Variants in LSM6 observed in about 807,000 individuals in gnomAD.
LSM6 encodes the protein LSM6 homolog, U6 small nuclear RNA and mRNA degradation associated.
LSM6 carries 2 observed loss-of-function variants against 13.5 expected under a neutral mutation model. That is an observed-to-expected ratio of 0.15 (90% CI 0.06 to 0.47). The LOEUF (loss-of-function observed/expected upper bound fraction) is 0.47, where lower values mean the gene tolerates loss of function less well. Among genes scored for constraint, LSM6 ranks in the 20% least tolerant of loss-of-function variants. LSM6 has a pLI of 0.97. For missense variants in LSM6, 58 were observed against 96.4 expected (o/e 0.60, Z 1.67); for synonymous variants, 43 against 34.9 (o/e 1.23, Z -0.82).
chr4:146,183,817 G>A (rs901384720), intron 2 of LSM6, among the ~76,000 whole-genome samples: 4 of 150,950 alleles, frequency 2.6e-5, no homozygotes, highest in Admixed American at 6.6e-5. Context: ...CTTTAGTGGT[G>A]GTTTCTGAGA....
chr4:146,184,998 G>T (rs2110887297), intron 2 of LSM6, among the ~76,000 whole-genome samples: 1 of 152,136 alleles, frequency 6.6e-6, no homozygotes, highest in East Asian at 1.9e-4. Context: ...GGGTTTAATG[G>T]CTGCATAGGA....
chr4:146,178,672 G>T (rs1452032843), intron 1 of LSM6, among the ~76,000 whole-genome samples: 1 of 152,200 alleles, frequency 6.6e-6, no homozygotes. Flanking sequence ...CATGTCTTCT[G>T]CTCAGTGGCA....
At chr4:146,184,496 GTTTAAT>G (rs1252477889) in intron 2 of LSM6, among the ~76,000 whole-genome samples, 1 of 152,034 alleles carries the variant, frequency 6.6e-6, no homozygotes, top group Non-Finnish European at 1.5e-5. Context: ...CGTATCTCCA[GTTTAAT>G]TTTATTTTTA....
chr4:146,181,960 C>T (rs1322216778), intron 1 of LSM6, among the ~76,000 whole-genome samples: 1 of 152,124 alleles, frequency 6.6e-6, no homozygotes, highest in East Asian at 1.9e-4. Flanking sequence ...GTGTTAGACT[C>T]CTGTTATACT....
chr4:146,182,266 G>A (rs1406061304), intron 1 of LSM6, among the ~76,000 whole-genome samples: 1 of 152,158 alleles, frequency 6.6e-6, no homozygotes, highest in Non-Finnish European at 1.5e-5. Flanking sequence ...CTGGCATATA[G>A]TACACTCAAA....
intron 2 of LSM6, among the ~76,000 whole-genome samples, chr4:146,185,102 A>G (rs1318432820): frequency 3.9e-5 from 6 of 152,146 alleles, no homozygotes; most frequent in Non-Finnish European, 8.8e-5. Flanking sequence ...TTGCCACTAT[A>G]AACAACTCTT....
intron 1 of LSM6, among the ~76,000 whole-genome samples, chr4:146,177,621 ATTTTTT>A (rs201188013): frequency 2.6e-5 from 4 of 151,730 alleles, no homozygotes; most frequent in African/African-American, 9.7e-5. Context: ...CCAAAGAACA[ATTTTTT>A]TTATTTTTAT....
chr4:146,179,389 C>G (rs760173623), intron 1 of LSM6, among the ~76,000 whole-genome samples: 33 of 152,230 alleles, frequency 2.2e-4, no homozygotes, highest in South Asian at 1.7e-3. Context: ...ATTGTGGTGT[C>G]AAGACCAATT....
chr4:146,179,086 C>T (rs926363720), intron 1 of LSM6, among the ~76,000 whole-genome samples: 2 of 152,182 alleles, frequency 1.3e-5, no homozygotes, highest in Non-Finnish European at 2.9e-5. Flanking sequence ...TCAGTAGCTT[C>T]TGACAGAAAA....
At chr4:146,184,265 A>C (rs1476660536) in intron 2 of LSM6, among the ~76,000 whole-genome samples, 1 of 152,164 alleles carries the variant, frequency 6.6e-6, no homozygotes, top group Admixed American at 6.5e-5. Flanking sequence ...TGGAGGGGAC[A>C]CATTCAAACC....
At chr4:146,186,995 G>A (rs1043578530) in intron 2 of LSM6, among the ~76,000 whole-genome samples, 2 of 152,148 alleles carry the variant, frequency 1.3e-5, no homozygotes, top group African/African-American at 4.8e-5. Flanking sequence ...TTTTTTGAAT[G>A]CTTTAAAAGT....
intron 3 of LSM6, among the ~76,000 whole-genome samples, chr4:146,188,438 T>G (rs773906417): frequency 4.6e-5 from 7 of 152,158 alleles, no homozygotes; most frequent in Non-Finnish European, 7.4e-5. Context: ...ACTGGCATTC[T>G]GATGCTTCCC....
intron 1 of LSM6, among the ~76,000 whole-genome samples, chr4:146,182,354 T>C (rs1233833808): frequency 6.6e-6 from 1 of 152,248 alleles, no homozygotes; most frequent in African/African-American, 2.4e-5. Flanking sequence ...TTCTATATAA[T>C]ACGGACTTTA....
intron 2 of LSM6, among the ~76,000 whole-genome samples, chr4:146,184,068 A>G (rs1017802403): frequency 2.0e-5 from 3 of 152,050 alleles, no homozygotes; most frequent in South Asian, 2.1e-4. Flanking sequence ...GGTGAGGGCT[A>G]CGTCCTCCAG....
In LSM6 at chr4:146,175,769, T is replaced by A. The variant is rs987315978; in HGVS notation, c.-53T>A. Reference sequence around the variant, plus strand: ...CTGGGATCATCCGCGGCGGCCGGGCTCGTGGGGCGCCTGGAGTGAGGGTTC... The same window carrying A: ...CTGGGATCATCCGCGGCGGCCGGGCACGTGGGGCGCCTGGAGTGAGGGTTC... On this transcript the variant is annotated 5_prime_UTR_variant, in exon 1 of 4. Transcript: ENST00000296581. 3 of 152,344 alleles carry A rather than the reference T, an allele frequency of 2.0e-5. No individual in the cohort carries two copies. The highest frequency in any genetic ancestry group is 7.2e-5 in the African/African-American group (3 of 41,456). 9.4% of individuals were successfully genotyped at this position (152,344 alleles called of 1,614,324 possible). A position where few individuals can be genotyped will look rare whatever the true frequency, so the allele number is the denominator to read the frequency against.
rs148123276 is a variant in LSM6, at chr4:146,182,079, A to G, written c.-10-833A>G. Among the ~76,000 whole-genome samples the G allele has an allele frequency of 3.9e-5, 6 of 152,310 alleles. No homozygotes were observed. The East Asian group carries it at 1.2e-3, about 29-fold the overall frequency. On this transcript the variant is annotated intron_variant, in intron 1 of 3. Transcript: ENST00000296581. ...TTATTGACTTTCAGAAAGCTGTTTA[A>G]GGTTGTGATTAAGAGTATGGGCTGG...
Position 146,189,618 on chromosome 4 carries a change from T to C in LSM6, c.209-4T>C. The C allele has an allele frequency of 6.3e-7, 1 of 1,588,512 alleles. No individual in the cohort carries two copies. The highest frequency in any genetic ancestry group is 8.6e-7 in the Non-Finnish European group (1 of 1,163,050). ...TTTCAATTTATGTATTTTTTTCTTT[T>C]CAGTGTTGTACATCAGTACACAGAA... On this transcript the variant is annotated splice_polypyrimidine_tract_variant and splice_region_variant and intron_variant, in intron 3 of 3. Transcript: ENST00000296581.
At position 146,190,184 on chromosome 4, in the gene LSM6, T is replaced by C. The variant is rs1310725956; in HGVS notation, c.*528T>C. 1 of 152,568 alleles carries C rather than the reference T, an allele frequency of 6.6e-6. No homozygotes were observed. The highest frequency in any genetic ancestry group is 1.5e-5 in the Non-Finnish European group (1 of 68,374). The allele number at this position is 152,568 out of a possible 1,614,324, so 9.5% of individuals were successfully genotyped here. The stretch of plus-strand genomic sequence containing the variant: ...TCAGCCACTGATTGAGTCACCTAAA[T>C]AAAAAACAGAATTGGAAAGCCAAGA... On this transcript the variant is annotated 3_prime_UTR_variant, in exon 4 of 4. Transcript: ENST00000296581.
rs1730431110 is a variant in LSM6, at chr4:146,189,846, C to T, written c.*190C>T. The T allele has an allele frequency of 1.7e-5, 9 of 522,746 alleles. No individual in the cohort carries two copies. Among genetic ancestry groups the T allele is most frequent in the South Asian group, 1.6e-4 (5 of 32,144 alleles). The allele number at this position is 522,746 out of a possible 1,614,324, so 32.4% of individuals were successfully genotyped here. On this transcript the variant is annotated 3_prime_UTR_variant, in exon 4 of 4. Transcript: ENST00000296581. Reference sequence around the variant, plus strand: ...GAAATGTTCTTTCACTTGTAAGTTTCAGTCATTTTCTTTTACCTCGTTGTC... The same window carrying T: ...GAAATGTTCTTTCACTTGTAAGTTTTAGTCATTTTCTTTTACCTCGTTGTC...
Sources: allele counts gnomAD v4.1 joint callset (sites outside exome capture counted in the v4.1 genomes callset), GRCh38; gene constraint gnomAD v4.1.1; transcripts MANE v1.5; gene names NCBI Gene and HGNC (gene_info 2026-07-23, HGNC 2026-07-21).